Variants in HRNR observed in about 807,000 individuals in gnomAD.
The protein encoded by HRNR is filaggrin family member 3.
HRNR carries 7 observed loss-of-function variants against 4.8 expected under a neutral mutation model. That is an observed-to-expected ratio of 1.47 (90% CI 0.83 to 2.75). The LOEUF (loss-of-function observed/expected upper bound fraction) is 2.75. HRNR is among the 30% of genes most tolerant of loss of function. The pLI, the probability that HRNR is intolerant of heterozygous loss-of-function variation, is 0.00. For missense variants in HRNR, 2,879 were observed against 3,010.4 expected, an observed-to-expected ratio of 0.96 and a Z score of 1.02; for synonymous variants, 1,023 against 1,242.7, an observed-to-expected ratio of 0.82 and a Z score of 3.72.
At position 152,219,819 on chromosome 1, in the gene HRNR, A is replaced by T; in HGVS notation, c.1810T>A (p.Ser604Thr). The T allele has an allele frequency of 6.2e-7, 1 of 1,612,154 alleles. No homozygotes were observed. Among genetic ancestry groups the T allele is most frequent in the South Asian group, 1.1e-5 (1 of 91,020 alleles). Residue 604 changes from serine to threonine, a missense_variant, in exon 3 of 3, where the codon TCG becomes ACG. Transcript: ENST00000368801. ...TGCCCATGGGTAGAGGAATGACCCG[A>T]GCTAGATCCGTGTTGACCGTAGCCA... The part of the protein sequence containing the change: ...SSGYGQHGSS[S>T]GHSSTHGQHG...
Position 152,220,650 on chromosome 1 carries a change from A to C in HRNR, c.979T>G (p.Ser327Ala). 7 of 1,611,642 alleles carry C rather than the reference A, an allele frequency of 4.3e-6. No individual in the cohort carries two copies. Among genetic ancestry groups the C allele is most frequent in the Non-Finnish European group, 5.9e-6 (7 of 1,178,536 alleles). The change falls in exon 3 of 3, where the codon TCT becomes GCT. Residue 327 changes from serine to alanine, a missense_variant. Around this residue, in one of 8 missense-constraint regions of HRNR, gnomAD observed 2,646 missense variants for 1,377.7 expected, o/e 1.92. Transcript: ENST00000368801. The stretch of plus-strand genomic sequence containing the variant: ...CGGCTGTAAGAGTAACTTGAGCCAG[A>C]CCCGTGTTGGCCGTGGCTGGAGGAG... Reference protein sequence around the residue: ...GHSSSHGQHGSGSSYSYSRGH... With the variant: ...GHSSSHGQHGAGSSYSYSRGH...
chr1:152,221,097 T>C lies in HRNR; in HGVS notation c.532A>G (p.Ser178Gly), dbSNP rs988451101. Reference sequence around the variant, plus strand: ...GAGTCGGAGTTTTGCTCACCATAGCTGGAAGACTGACCTGAGTAGGAGTTA... The same window carrying C: ...GAGTCGGAGTTTTGCTCACCATAGCCGGAAGACTGACCTGAGTAGGAGTTA... Reference protein sequence around the residue: ...QHNSYSGQSSSYGEQNSDSHQ... With the variant: ...QHNSYSGQSSGYGEQNSDSHQ... The change falls in exon 3 of 3, where the codon AGC becomes GGC. Residue 178 changes from serine (S) to glycine (G), a missense_variant. Ser to Gly is a moderately conservative substitution (Grantham distance 56). This residue lies in a region of HRNR where 2,646 missense variants were observed against 1,377.7 expected (regional missense o/e 1.92). Transcript: ENST00000368801. The C allele has an allele frequency of 1.2e-6, 2 of 1,614,056 alleles. No homozygotes were observed. The highest frequency in any genetic ancestry group is 1.7e-6 in the Non-Finnish European group (2 of 1,180,022).
rs781350314 is a variant in HRNR, at chr1:152,212,377, A to G, written c.*699T>C. 4.6e-5 allele frequency: 7 copies of G among 152,136 alleles called. No individual in the cohort carries two copies. Among genetic ancestry groups the G allele is most frequent in the Non-Finnish European group, 8.8e-5 (6 of 68,078 alleles). 9.4% of individuals were successfully genotyped at this position (152,136 alleles called of 1,614,324 possible). A position where few individuals can be genotyped will look rare whatever the true frequency, so the allele number is the denominator to read the frequency against. On this transcript the variant is annotated 3_prime_UTR_variant, in exon 3 of 3. Coordinates refer to ENST00000368801, the MANE Select transcript of HRNR (RefSeq NM_001009931.3). Reference sequence around the variant, plus strand: ...GAAAACAAGCTAAAGCCCACATTTGAATGTTTTTTTTTTTCCTGAAATGAT... The same window carrying G: ...GAAAACAAGCTAAAGCCCACATTTGGATGTTTTTTTTTTTCCTGAAATGAT...
At chr1:152,222,631 G>T (rs889337602) in intron 2 of HRNR, among the ~76,000 whole-genome samples, 2 of 152,150 alleles carry the variant, frequency 1.3e-5, no homozygotes, top group African/African-American at 4.8e-5. Flanking sequence ...CTGACACACT[G>T]AATATCTGAC....
intron 2 of HRNR, among the ~76,000 whole-genome samples, chr1:152,221,743 T>C (rs1169797519): frequency 6.6e-6 from 1 of 152,182 alleles, no homozygotes; most frequent in East Asian, 1.9e-4. Context: ...CTGATTATTT[T>C]TGGTAAAGAA....
At position 152,220,413 on chromosome 1, in the gene HRNR, C is replaced by T. The variant is rs1246639801; in HGVS notation, c.1216G>A (p.Ala406Thr). The T allele has an allele frequency of 2.0e-5, 32 of 1,614,022 alleles. No individual in the cohort carries two copies. Among genetic ancestry groups the T allele is most frequent in the Non-Finnish European group, 2.7e-5 (32 of 1,180,024 alleles). Residue 406 changes from alanine (A) to threonine (T), a missense_variant, in exon 3 of 3, where the codon GCC becomes ACC. Coordinates refer to ENST00000368801, the MANE Select transcript of HRNR (RefSeq NM_001009931.3). Reference protein sequence around the residue: ...QSSSYGQHESASRHSSGRGQH... With the variant: ...QSSSYGQHESTSRHSSGRGQH... ...CCGCGGCCTGAAGAGTGACGGGAGGCAGACTCATGCTGACCATAGCTGGAA... is the reference window on the plus strand; with the variant it reads ...CCGCGGCCTGAAGAGTGACGGGAGGTAGACTCATGCTGACCATAGCTGGAA...
chr1:152,223,173 C>A lies in HRNR; in HGVS notation c.81G>T (p.Thr27=). 1.9e-6 allele frequency: 3 copies of A among 1,613,792 alleles called. 1 individual carries two copies. Among genetic ancestry groups the A allele is most frequent in the South Asian group, 2.2e-5 (2 of 91,044 alleles). Residue 27 remains threonine (T), a synonymous_variant, in exon 2 of 3, where the codon ACG becomes ACT. Coordinates refer to ENST00000368801, the MANE Select transcript of HRNR (RefSeq NM_001009931.3). The stretch of plus-strand genomic sequence containing the variant: ...GTTCTTTCAGCTCTGCCTTGTTCAA[C>A]GTATCATACTCCCCATGCTGGGTGG... ...QYATQHGEYD[T]LNKAELKELL...
intron 2 of HRNR, 63 bp from the exon 3 acceptor site, chr1:152,221,553 A>T: frequency 8.1e-7 from 1 of 1,234,190 alleles, no homozygotes; most frequent in Non-Finnish European, 1.1e-6. Flanking sequence ...TGGCTAACGA[A>T]CTGAAGGAAA....
rs767872824 is a variant in HRNR at position 152,213,239 on chromosome 1, C to A, written c.8390G>T (p.Gly2797Val). 1.2e-6 allele frequency: 2 copies of A among 1,612,092 alleles called. No individual in the cohort carries two copies. The highest frequency in any genetic ancestry group is 1.7e-6 in the Non-Finnish European group (2 of 1,179,164). ...QHGSGSGQSS[G>V]YSQHGSGSGQ... The stretch of plus-strand genomic sequence containing the variant: ...TGAGCCACTTCCATGCTGACTATAA[C>A]CAGAGGACTGTCCTGAGCCAGACCC... The change falls in exon 3 of 3, where the codon GGT becomes GTT. Residue 2797 changes from glycine to valine, a missense_variant. Physicochemically the swap from Gly to Val is moderately radical, Grantham distance 109. This residue lies in a region of HRNR where 158 missense variants were observed against 107.6 expected (regional missense o/e 1.47). Transcript: ENST00000368801.
chr1:152,218,731 C>T lies in HRNR; in HGVS notation c.2898G>A (p.Gln966=). ...SYEQHGSRSG[Q]SSRSEQHGSS... ...ATCCATGTTGTTCGCTCCTAGATGA[C>T]TGTCCTGACCTAGAGCCGTGTTGTT... The change falls in exon 3 of 3, where the codon CAG becomes CAA. Residue 966 remains glutamine (Q), a synonymous_variant. Coordinates refer to ENST00000368801, the MANE Select transcript of HRNR (RefSeq NM_001009931.3). The T allele has an allele frequency of 4.3e-6, 7 of 1,613,958 alleles. No homozygotes were observed. Among genetic ancestry groups the T allele is most frequent in the Non-Finnish European group, 5.9e-6 (7 of 1,180,006 alleles).
chr1:152,220,478 G>C lies in HRNR; in HGVS notation c.1151C>G (p.Ala384Gly). 1.9e-6 allele frequency: 3 copies of C among 1,612,270 alleles called. No individual in the cohort carries two copies. Among genetic ancestry groups the C allele is most frequent in the Non-Finnish European group, 2.5e-6 (3 of 1,178,906 alleles). Reference protein sequence around the residue: ...QGQHGSTSGQASSSGQHGSSS... With the variant: ...QGQHGSTSGQGSSSGQHGSSS... ...GGAGCCATGTTGGCCAGAGCTTGAT[G>C]CCTGCCCTGACGTAGATCCATGTTG... The change falls in exon 3 of 3, where the codon GCA becomes GGA. Residue 384 changes from alanine (A) to glycine (G), a missense_variant. By Grantham distance (60) the Ala-to-Gly change is moderately conservative. Around this residue, in one of 8 missense-constraint regions of HRNR, gnomAD observed 2,646 missense variants for 1,377.7 expected, o/e 1.92. Coordinates refer to ENST00000368801, the MANE Select transcript of HRNR (RefSeq NM_001009931.3).
rs771679968 is a variant in HRNR at position 152,219,183 on chromosome 1, C to A, written c.2446G>T (p.Gly816Cys). 4.3e-6 allele frequency: 7 copies of A among 1,613,922 alleles called. No individual in the cohort carries two copies. The highest frequency in any genetic ancestry group is 5.9e-6 in the Non-Finnish European group (7 of 1,179,992). The change falls in exon 3 of 3, where the codon GGT becomes TGT. Residue 816 changes from glycine (G) to cysteine (C), a missense_variant. Gly to Cys is a radical substitution (Grantham distance 159). Around this residue, in one of 8 missense-constraint regions of HRNR, gnomAD observed 2,646 missense variants for 1,377.7 expected, o/e 1.92. Transcript: ENST00000368801. ...HYESGSGQASGFGQHESGSGQ... is the reference protein window; with the variant it reads ...HYESGSGQASCFGQHESGSGQ... ...GAGCCAGACTCGTGTTGCCCAAAAC[C>A]AGAAGCCTGGCCTGAGCCAGACTCA...
At position 152,220,158 on chromosome 1, in the gene HRNR, G is replaced by T; in HGVS notation, c.1471C>A (p.His491Asn). ...HGSGSGHSSGHGQHGSRSGQS... is the reference protein window; with the variant it reads ...HGSGSGHSSGNGQHGSRSGQS... ...CCTGACCTAGAGCCGTGTTGTCCGT[G>T]GCCGGAGGAGTGACCTGAGCCAGAT... Residue 491 changes from histidine to asparagine, a missense_variant, in exon 3 of 3, where the codon CAC (histidine) becomes AAC (asparagine). Physicochemically the swap from His to Asn is moderately conservative, Grantham distance 68. Transcript: ENST00000368801. 2 of 1,612,648 alleles carry T rather than the reference G, an allele frequency of 1.2e-6. No homozygotes were observed. Among genetic ancestry groups the T allele is most frequent in the Non-Finnish European group, 1.7e-6 (2 of 1,179,212 alleles).
chr1:152,220,609 A>G lies in HRNR; in HGVS notation c.1020T>C (p.Ser340=). ...SYSYSRGHYE[S]GSGQTSGFGQ... is the part of the protein sequence containing the mutation. Reference sequence around the variant, plus strand: ...CAAAGCCAGAAGTCTGGCCTGAGCCAGACTCATAATGGCCACGGCTGTAAG... The same window carrying G: ...CAAAGCCAGAAGTCTGGCCTGAGCCGGACTCATAATGGCCACGGCTGTAAG... The change falls in exon 3 of 3, where the codon TCT becomes TCC. Residue 340 remains serine (S), a synonymous_variant. Transcript: ENST00000368801. 6.2e-7 allele frequency: 1 copy of G among 1,612,322 alleles called. No individual in the cohort carries two copies.
chr1:152,219,502 C>T lies in HRNR; in HGVS notation c.2127G>A (p.Gln709=). The change falls in exon 3 of 3, where the codon CAG becomes CAA. Residue 709 remains glutamine (Q), a synonymous_variant. Coordinates refer to ENST00000368801, the MANE Select transcript of HRNR (RefSeq NM_001009931.3). ...ATCCATGCTGACTGTAACCAGAGGA[C>T]TGCCCTGAGCCAGACTTGTGACCAA... The part of the protein sequence containing the change: ...SGFGHKSGSG[Q]SSGYSQHGSG... 1.9e-6 allele frequency: 3 copies of T among 1,613,810 alleles called. No homozygotes were observed. The highest frequency in any genetic ancestry group is 2.2e-5 in the South Asian group (2 of 91,066).
At chr1:152,223,000 TTC>T (rs1040617895) in intron 2 of HRNR, 114 bp downstream of exon 2, 1 of 1,065,942 alleles carries the variant, frequency 9.4e-7, no homozygotes, top group Admixed American at 2.2e-5. Flanking sequence ...CCAAACCCTG[TTC>T]TCTCTCACCA....
Position 152,220,301 on chromosome 1 carries a change from C to A in HRNR, c.1328G>T (p.Gly443Val). 1 of 1,613,930 alleles carries A rather than the reference C, an allele frequency of 6.2e-7. No individual in the cohort carries two copies. The highest frequency in any genetic ancestry group is 8.5e-7 in the Non-Finnish European group (1 of 1,179,968). The change falls in exon 3 of 3, where the codon GGG becomes GTG. Residue 443 changes from glycine to valine, a missense_variant. Physicochemically the swap from Gly to Val is moderately radical, Grantham distance 109. Coordinates refer to ENST00000368801, the MANE Select transcript of HRNR (RefSeq NM_001009931.3). ...SGQSPSSGQH[G>V]TGFGRSSSSG... ...GCTGGAAGATCGACCAAAGCCAGTC[C>A]CATGTTGGCCGGAGCTGGGAGACTG...
rs149618092 is a variant in HRNR, at chr1:152,219,570, T to G, written c.2059A>C (p.Ser687Arg). The G allele has an allele frequency of 1.9e-6, 3 of 1,613,582 alleles. No individual in the cohort carries two copies. The highest frequency in any genetic ancestry group is 2.5e-6 in the Non-Finnish European group (3 of 1,179,920). Residue 687 changes from serine to arginine, a missense_variant, in exon 3 of 3, where the codon AGC becomes CGC. By Grantham distance (110) the Ser-to-Arg change is moderately radical. Coordinates refer to ENST00000368801, the MANE Select transcript of HRNR (RefSeq NM_001009931.3). The stretch of plus-strand genomic sequence containing the variant: ...GAGACAGACCCATGTGGGCCATTGC[T>G]TGAAGACCAACCGGAGCCAGACCCA... Reference protein sequence around the residue: ...QHGSGSGWSSSNGPHGSVSGQ... With the variant: ...QHGSGSGWSSRNGPHGSVSGQ...
chr1:152,212,247 A>G lies in HRNR; in HGVS notation c.*829T>C, dbSNP rs900899507. The G allele has an allele frequency of 1.3e-5, 2 of 152,160 alleles. No individual in the cohort carries two copies. Among genetic ancestry groups the G allele is most frequent in the Non-Finnish European group, 2.9e-5 (2 of 68,032 alleles). The allele number at this position is 152,160 out of a possible 1,614,324, so 9.4% of individuals were successfully genotyped here. On this transcript the variant is annotated 3_prime_UTR_variant, in exon 3 of 3. Transcript: ENST00000368801. ...TTTTTTCAGGTGGAAACGTTATTGA[A>G]CTACAGTAGTAGGTGGAAAGCATTG...
Sources: gnomAD v4.1 joint callset for allele counts (sites outside exome capture counted in the v4.1 genomes callset) on GRCh38, gnomAD v4.1.1 for gene constraint, gnomAD v4.1.1 regional missense constraint, MANE v1.5 for transcripts, NCBI Gene and HGNC (gene_info 2026-07-23, HGNC 2026-07-21) for gene names.